The following CSRNP3 variants were observed in gnomAD, a reference collection of about 807,000 sequenced individuals.
CSRNP3 encodes cysteine and serine rich nuclear protein 3, also known as cysteine/serine-rich nuclear protein 3.
In CSRNP3, 12 loss-of-function variants were observed where a neutral mutation model predicts 48.0. That is an observed-to-expected ratio of 0.25 (90% CI 0.16 to 0.41). The LOEUF (loss-of-function observed/expected upper bound fraction) is 0.41, where lower values mean the gene tolerates loss of function less well. Among genes scored for constraint, CSRNP3 ranks in the 10% least tolerant of loss-of-function variants. The probability of loss-of-function intolerance (pLI) is 1.00; values close to 1 mark genes in which losing one functional copy is unlikely to be tolerated. For synonymous variants in CSRNP3, 263 were observed against 269.7 expected (o/e 0.98, Z 0.24); for missense variants, 580 against 724.4 (o/e 0.80, Z 2.29).
intron 5 of CSRNP3, among the ~76,000 whole-genome samples, chr2:165,671,393 G>T (rs72881637): frequency 1.3e-5 from 2 of 152,166 alleles, no homozygotes; most frequent in Non-Finnish European, 2.9e-5. Context: ...TGGCTGGGAG[G>T]CCTCTCAACC....
rs1286057371 is a variant in CSRNP3, at chr2:165,682,766, A to C, written c.*3013A>C. On this transcript the variant is annotated 3_prime_UTR_variant, in exon 7 of 7. Coordinates refer to ENST00000651982, the MANE Select transcript of CSRNP3 (RefSeq NM_001172173.2). ...CAAAGAGCTGCCCACATGCCAGGAA[A>C]GTGCTACAGTCCTTCTAAGCTTTTA... The C allele has an allele frequency of 6.6e-6, 1 of 152,142 alleles. No individual in the cohort carries two copies. The highest frequency in any genetic ancestry group is 1.5e-5 in the Non-Finnish European group (1 of 68,012). The allele number at this position is 152,142 out of a possible 1,614,324, so 9.4% of individuals were successfully genotyped here.
intron 3 of CSRNP3, among the ~76,000 whole-genome samples, chr2:165,588,703 C>T (rs1685669636): frequency 1.3e-5 from 2 of 152,122 alleles, no homozygotes; most frequent in Admixed American, 1.3e-4. Flanking sequence ...GGCTGCAATC[C>T]CAGCACTCTG....
At chr2:165,577,958 G>A (rs1287520492) in intron 3 of CSRNP3, among the ~76,000 whole-genome samples, 2 of 151,914 alleles carry the variant, frequency 1.3e-5, no homozygotes, top group Non-Finnish European at 2.9e-5. Context: ...TTTGTCTTGT[G>A]TTCAGAATGT....
chr2:165,666,549 GAA>G (rs1687210632), intron 5 of CSRNP3, among the ~76,000 whole-genome samples: 1 of 44,428 alleles, frequency 2.3e-5, no homozygotes, highest in African/African-American at 7.2e-5. Context: ...AGGAAGGAAG[GAA>G]AGAGAGAGGA....
chr2:165,599,194 A>C lies in CSRNP3; in HGVS notation c.148+3981A>C, dbSNP rs181283986. Among the ~76,000 whole-genome samples the C allele has an allele frequency of 7.9e-4, 119 of 151,508 alleles. No homozygotes were observed. The East Asian group carries it at 0.014, about 18-fold the overall frequency. On this transcript the variant is annotated intron_variant, in intron 4 of 6. Coordinates refer to ENST00000651982, the MANE Select transcript of CSRNP3 (RefSeq NM_001172173.2). The stretch of plus-strand genomic sequence containing the variant: ...GAGCCATGATTGCACCACTGCACTC[A>C]AGCCTGGGTGACAGAGCAAGACCCT...
intron 1 of CSRNP3, among the ~76,000 whole-genome samples, chr2:165,493,131 G>A (rs1574802556): frequency 6.6e-6 from 1 of 151,710 alleles, no homozygotes; most frequent in South Asian, 2.1e-4. Flanking sequence ...AGGAATTTTA[G>A]CATCAAAATC....
At chr2:165,486,604 G>C (rs374381532) in intron 1 of CSRNP3, among the ~76,000 whole-genome samples, 54 of 84,020 alleles carry the variant, frequency 6.4e-4, no homozygotes, top group East Asian at 3.2e-3. Flanking sequence ...ATCTGAGAAC[G>C]GGCAGACTGC....
intron 5 of CSRNP3, among the ~76,000 whole-genome samples, chr2:165,675,295 G>A (rs80252168): frequency 5.3e-5 from 8 of 152,060 alleles, no homozygotes; most frequent in Non-Finnish European, 1.0e-4. Context: ...ATTTTAGGAA[G>A]TGATAAATTT....
At chr2:165,573,642 T>C (rs1448446033) in intron 3 of CSRNP3, among the ~76,000 whole-genome samples, 1 of 152,216 alleles carries the variant, frequency 6.6e-6, no homozygotes, top group Non-Finnish European at 1.5e-5. Context: ...CTAAATTCTT[T>C]ACAATTAATT....
intron 3 of CSRNP3, among the ~76,000 whole-genome samples, chr2:165,559,374 T>A (rs185373617): frequency 1.2e-4 from 18 of 152,304 alleles, no homozygotes; most frequent in African/African-American, 3.6e-4. Context: ...ATACTCCTCA[T>A]AGATAAAGGC....
At chr2:165,499,549 G>A (rs1056509295) in intron 2 of CSRNP3, among the ~76,000 whole-genome samples, 24 of 152,004 alleles carry the variant, frequency 1.6e-4, no homozygotes, top group African/African-American at 5.3e-4. Flanking sequence ...AAATACGCTG[G>A]GAATGTTTTA....
At chr2:165,504,299 A>G (rs981941616) in intron 2 of CSRNP3, among the ~76,000 whole-genome samples, 17 of 152,202 alleles carry the variant, frequency 1.1e-4, no homozygotes, top group Admixed American at 6.5e-5. Context: ...TTTGAAACAT[A>G]TCATTTAATC....
chr2:165,551,927 A>T (rs73029828), intron 3 of CSRNP3, among the ~76,000 whole-genome samples: 2,462 of 152,342 alleles, frequency 0.016, 72 homozygotes, highest in African/African-American at 0.055. Flanking sequence ...ATAAATATGA[A>T]AAGTGTGAAA....
chr2:165,506,291 A>G (rs1456393163), intron 2 of CSRNP3, among the ~76,000 whole-genome samples: 1 of 152,156 alleles, frequency 6.6e-6, no homozygotes, highest in Non-Finnish European at 1.5e-5. Context: ...TTGTGCTCAG[A>G]TAGGATCTCT....
intron 5 of CSRNP3, among the ~76,000 whole-genome samples, chr2:165,665,713 T>C (rs920286936): frequency 1.3e-5 from 2 of 150,450 alleles, no homozygotes; most frequent in African/African-American, 4.9e-5. Flanking sequence ...TGAGCTATGA[T>C]TGTGCCATTG....
Position 165,617,585 on chromosome 2 carries a change from G to A in CSRNP3, c.148+22372G>A, listed in dbSNP as rs1037610176. Among the ~76,000 whole-genome samples the A allele has an allele frequency of 5.9e-5, 9 of 152,220 alleles. 1 individual carries two copies. Among genetic ancestry groups the A allele is most frequent in the Admixed American group, 5.2e-4 (8 of 15,278 alleles). ...GGCTGTGGTGATGATGGGCTGGGCA[G>A]GCTGGGCCTTGGATCCCTGGTTGGT... On this transcript the variant is annotated intron_variant, in intron 4 of 6. Coordinates refer to ENST00000651982, the MANE Select transcript of CSRNP3 (RefSeq NM_001172173.2).
intron 3 of CSRNP3, among the ~76,000 whole-genome samples, chr2:165,554,734 G>A (rs1685140584): frequency 6.6e-6 from 1 of 152,232 alleles, no homozygotes; most frequent in Admixed American, 6.5e-5. Context: ...TGAGGCCCCT[G>A]ATTCCACCTT....
chr2:165,595,930 G>T (rs980231081), intron 4 of CSRNP3, among the ~76,000 whole-genome samples: 7 of 152,032 alleles, frequency 4.6e-5, no homozygotes, highest in African/African-American at 1.7e-4. Flanking sequence ...CAGAGTAGCT[G>T]GGACTGCAGG....
chr2:165,679,413 C>T lies in CSRNP3; in HGVS notation c.1418C>T (p.Thr473Ile). 6.2e-7 allele frequency: 1 copy of T among 1,613,030 alleles called. No homozygotes were observed. The highest frequency in any genetic ancestry group is 8.5e-7 in the Non-Finnish European group (1 of 1,179,576). Residue 473 changes from threonine (T) to isoleucine (I), a missense_variant, in exon 7 of 7, where the codon ACC (threonine) becomes ATC (isoleucine). Around this residue, in one of 4 missense-constraint regions of CSRNP3, gnomAD observed 369 missense variants for 380.8 expected, o/e 0.97. Transcript: ENST00000651982. ...GTLSLVPYTM[T>I]PEQFVDYARQ... ...CTTTCGCTGGTGCCTTACACCATGACCCCGGAGCAATTCGTTGACTATGCC... is the reference window on the plus strand; with the variant it reads ...CTTTCGCTGGTGCCTTACACCATGATCCCGGAGCAATTCGTTGACTATGCC...
Sources: gnomAD v4.1 joint callset for allele counts (sites outside exome capture counted in the v4.1 genomes callset) on GRCh38, gnomAD v4.1.1 for gene constraint, gnomAD v4.1.1 regional missense constraint, MANE v1.5 for transcripts, NCBI Gene and HGNC (gene_info 2026-07-23, HGNC 2026-07-21) for gene names.